The following NEGR1 variants were observed in gnomAD, a reference collection of about 807,000 sequenced individuals.
The protein encoded by NEGR1 is IgLON family member 4.
In NEGR1, 10 loss-of-function variants were observed where a neutral mutation model predicts 40.9. The observed-to-expected ratio is 0.24, with a 90% CI of 0.15 to 0.42. The LOEUF (loss-of-function observed/expected upper bound fraction) is 0.42, where lower values mean the gene tolerates loss of function less well. Ranked by LOEUF, NEGR1 falls within the 10% of genes least tolerant of loss-of-function variation. The probability of loss-of-function intolerance (pLI) is 1.00; values close to 1 mark genes in which losing one functional copy is unlikely to be tolerated. For synonymous variants in NEGR1, 185 were observed against 166.8 expected, an observed-to-expected ratio of 1.11 and a Z score of -0.84; for missense variants, 352 against 438.9, an observed-to-expected ratio of 0.80 and a Z score of 1.77.
At chr1:71,973,320 G>GAAAAAAA (rs35734264) in intron 1 of NEGR1, among the ~76,000 whole-genome samples, 1 of 101,658 alleles carries the variant, frequency 9.8e-6, no homozygotes. Flanking sequence ...CAACTCAAAA[G>GAAAAAAA]AAAAAAAAAA....
intron 1 of NEGR1, among the ~76,000 whole-genome samples, chr1:72,123,006 C>T (rs189835082): frequency 3.8e-3 from 578 of 151,976 alleles, no homozygotes; most frequent in African/African-American, 0.013. Context: ...CTGGAATACC[C>T]TTTTAAAATA....
chr1:71,955,098 G>A (rs1490160596), intron 1 of NEGR1, among the ~76,000 whole-genome samples: 1 of 152,078 alleles, frequency 6.6e-6, no homozygotes, highest in Non-Finnish European at 1.5e-5. Flanking sequence ...TTTGTACCAT[G>A]CTTTACAGAT....
At chr1:71,749,693 C>T (rs1189411142) in intron 3 of NEGR1, among the ~76,000 whole-genome samples, 1 of 152,148 alleles carries the variant, frequency 6.6e-6, no homozygotes, top group African/African-American at 2.4e-5. Context: ...GGAACTTGAT[C>T]AGATAGTTCC....
chr1:72,270,340 T>C (rs1328546385), intron 1 of NEGR1, among the ~76,000 whole-genome samples: 2 of 151,866 alleles, frequency 1.3e-5, no homozygotes, highest in South Asian at 2.1e-4. Context: ...AGGACAAGCA[T>C]TCATACATAA....
chr1:71,999,652 T>TACAC (rs1356884736), intron 1 of NEGR1, among the ~76,000 whole-genome samples: 3 of 43,888 alleles, frequency 6.8e-5, no homozygotes, highest in African/African-American at 1.1e-4. Flanking sequence ...TATATATATA[T>TACAC]ATATATATAT....
chr1:71,479,657 A>G (rs1646842206), intron 6 of NEGR1, among the ~76,000 whole-genome samples: 1 of 152,008 alleles, frequency 6.6e-6, no homozygotes, highest in African/African-American at 2.4e-5. Flanking sequence ...TTTCGCACCA[A>G]TCCCAGTCTA....
chr1:71,979,784 A>C (rs189555335), intron 1 of NEGR1, among the ~76,000 whole-genome samples: 7 of 152,278 alleles, frequency 4.6e-5, no homozygotes, highest in Admixed American at 1.3e-4. Flanking sequence ...GGGCTAAAAA[A>C]TCAGAGACAC....
rs190655618 is a variant in NEGR1 at position 71,544,450 on chromosome 1, G to A, written c.940+48367C>T. On this transcript the variant is annotated intron_variant, in intron 6 of 6. Transcript: ENST00000357731. ...CTACTTTATCTAACAGTGTGACATT[G>A]AGTAAATTAAATACTTTCTCTGGGC... is the stretch of plus-strand genomic sequence containing the variant. Among the ~76,000 whole-genome samples, 39 of 151,656 alleles carry A rather than the reference G, an allele frequency of 2.6e-4. No individual in the cohort carries two copies. The Middle Eastern group carries it at 0.01, about 40-fold the overall frequency.
At chr1:72,247,064 T>C (rs765695260) in intron 1 of NEGR1, among the ~76,000 whole-genome samples, 2 of 152,170 alleles carry the variant, frequency 1.3e-5, no homozygotes, top group African/African-American at 4.8e-5. Flanking sequence ...CAAGGCTGCA[T>C]AGGGCAGAAG....
intron 1 of NEGR1, among the ~76,000 whole-genome samples, chr1:71,959,268 A>T (rs1475465102): frequency 6.6e-6 from 1 of 152,096 alleles, no homozygotes; most frequent in Non-Finnish European, 1.5e-5. Context: ...ACAAACACCC[A>T]CATCTAAAAC....
chr1:71,761,209 T>A (rs1655927449), intron 3 of NEGR1, among the ~76,000 whole-genome samples: 1 of 152,204 alleles, frequency 6.6e-6, no homozygotes, highest in African/African-American at 2.4e-5. Context: ...GACCTGATGG[T>A]AAGTAACTTA....
At chr1:71,409,503 A>G (rs1646302043) in intron 6 of NEGR1, among the ~76,000 whole-genome samples, 1 of 152,060 alleles carries the variant, frequency 6.6e-6, no homozygotes, top group Non-Finnish European at 1.5e-5. Flanking sequence ...CTCCTTATCC[A>G]TCCTTGAAAA....
intron 3 of NEGR1, among the ~76,000 whole-genome samples, chr1:71,774,170 A>C (rs1213053012): frequency 7.9e-5 from 12 of 152,194 alleles, no homozygotes; most frequent in African/African-American, 2.4e-5. Context: ...TTTTGAAAGT[A>C]GGAAACTAGC....
chr1:71,793,400 C>T lies in NEGR1; in HGVS notation c.410-17103G>A, dbSNP rs190453332. Among the ~76,000 whole-genome samples the T allele has an allele frequency of 8.7e-4, 128 of 147,516 alleles. 1 individual carries two copies. Among genetic ancestry groups the T allele is most frequent in the Admixed American group, 8.4e-3 (121 of 14,332 alleles). On this transcript the variant is annotated intron_variant, in intron 2 of 6. Transcript: ENST00000357731. Reference sequence around the variant, plus strand: ...CTGGGATTACAGGCATGAGCCACCACGCCCGGCCTGGGATGGTCTATCAGC... The same window carrying T: ...CTGGGATTACAGGCATGAGCCACCATGCCCGGCCTGGGATGGTCTATCAGC...
At chr1:72,245,915 A>C (rs1391816409) in intron 1 of NEGR1, among the ~76,000 whole-genome samples, 1 of 152,166 alleles carries the variant, frequency 6.6e-6, no homozygotes, top group Non-Finnish European at 1.5e-5. Flanking sequence ...TGTGACAACT[A>C]ACTCCTAAGT....
At chr1:71,510,214 C>T (rs1647063567) in intron 6 of NEGR1, among the ~76,000 whole-genome samples, 1 of 152,102 alleles carries the variant, frequency 6.6e-6, no homozygotes, top group Non-Finnish European at 1.5e-5. Flanking sequence ...AGGGGACTAG[C>T]ACAGAGATTA....
chr1:71,531,208 A>T (rs1177491391), intron 6 of NEGR1, among the ~76,000 whole-genome samples: 2 of 151,292 alleles, frequency 1.3e-5, no homozygotes, highest in Admixed American at 6.6e-5. Context: ...CAAAAACATG[A>T]AGTCAGAAAA....
At chr1:71,654,128 T>TAAGAA (rs2101584772) in intron 4 of NEGR1, among the ~76,000 whole-genome samples, 1 of 152,228 alleles carries the variant, frequency 6.6e-6, no homozygotes, top group African/African-American at 2.4e-5. Flanking sequence ...AATTATAAGA[T>TAAGAA]AAGAACTTCT....
At chr1:71,780,759 G>C (rs897924101) in intron 2 of NEGR1, among the ~76,000 whole-genome samples, 1 of 152,104 alleles carries the variant, frequency 6.6e-6, no homozygotes, top group African/African-American at 2.4e-5. Context: ...GAGATAATGC[G>C]TATTTAGATG....
Sources: gnomAD v4.1 joint callset for allele counts (sites outside exome capture counted in the v4.1 genomes callset) on GRCh38, gnomAD v4.1.1 for gene constraint, MANE v1.5 for transcripts, NCBI Gene and HGNC (gene_info 2026-07-23, HGNC 2026-07-21) for gene names.